ZFYVE1: variants seen among roughly 807,000 people sequenced by gnomAD.
ZFYVE1 encodes zinc finger FYVE domain-containing protein 1.
Under a neutral mutation model 74.4 loss-of-function variants are expected in ZFYVE1, and 30 were observed. The observed-to-expected ratio is 0.40, with a 90% confidence interval of 0.30 to 0.55. The LOEUF (loss-of-function observed/expected upper bound fraction) is 0.55. Ranked by LOEUF, ZFYVE1 falls within the 20% of genes least tolerant of loss-of-function variation. The pLI is 0.42. For synonymous variants in ZFYVE1, 335 were observed against 385.1 expected (o/e 0.87, Z 1.52); for missense variants, 703 against 1,011.6 (o/e 0.69, Z 4.14).
intron 2 of ZFYVE1, among the ~76,000 whole-genome samples, chr14:72,999,157 G>A (rs1286555500): frequency 4.6e-5 from 7 of 152,012 alleles, no homozygotes; most frequent in Middle Eastern, 3.4e-3. Context: ...GGCCGGGTGC[G>A]GTGGCTCACA....
At chr14:73,006,892 T>G (rs1207413493) in intron 2 of ZFYVE1, among the ~76,000 whole-genome samples, 1 of 151,806 alleles carries the variant, frequency 6.6e-6, no homozygotes, top group Non-Finnish European at 1.5e-5. Flanking sequence ...ATTTTTTGTA[T>G]TTTTAGTAGA....
chr14:73,025,367 C>T (rs1894436642), intron 1 of ZFYVE1, among the ~76,000 whole-genome samples: 1 of 151,778 alleles, frequency 6.6e-6, no homozygotes, highest in South Asian at 2.1e-4. Flanking sequence ...CCGCACCTGG[C>T]CAGAAATCTC....
rs538247969 is a variant in ZFYVE1 at position 73,024,005 on chromosome 14, C to T, written c.483+21G>A. The T allele has an allele frequency of 1.1e-4, 184 of 1,606,698 alleles. 1 individual carries two copies. In the East Asian group the frequency reaches 3.6e-3, roughly 32 times the overall value. ...AGATCTGCTCCACTACACATGAATC[C>T]CACTATACCCGTGTGCTTACCTGAA... On this transcript the variant is annotated intron_variant, in intron 2 of 11. Coordinates refer to ENST00000556143, the MANE Select transcript of ZFYVE1 (RefSeq NM_021260.4).
chr14:72,994,481 G>A (rs770345694), intron 3 of ZFYVE1, among the ~76,000 whole-genome samples: 5 of 152,094 alleles, frequency 3.3e-5, no homozygotes, highest in Non-Finnish European at 7.3e-5. Flanking sequence ...GGTGTCCTAT[G>A]GTCTAGCATT....
chr14:73,019,311 T>C (rs924277236), intron 2 of ZFYVE1, among the ~76,000 whole-genome samples: 1 of 152,032 alleles, frequency 6.6e-6, no homozygotes, highest in Non-Finnish European at 1.5e-5. Context: ...CCGGGCACAG[T>C]GGTGCATACC....
At chr14:73,002,750 T>TG (rs1440839192) in intron 2 of ZFYVE1, among the ~76,000 whole-genome samples, 5 of 145,420 alleles carry the variant, frequency 3.4e-5, no homozygotes, top group Non-Finnish European at 7.6e-5. Context: ...TCTTTTTTTT[T>TG]TTTTTTTCTG....
intron 10 of ZFYVE1, 23 bp from the exon 11 acceptor site, chr14:72,974,216 T>C (rs766104037): frequency 1.2e-6 from 2 of 1,606,458 alleles, no homozygotes; most frequent in African/African-American, 2.7e-5. Context: ...ATAAAGGAAA[T>C]GCTGTCACCT....
At chr14:73,005,307 C>T (rs1893955739) in intron 2 of ZFYVE1, among the ~76,000 whole-genome samples, 1 of 152,116 alleles carries the variant, frequency 6.6e-6, no homozygotes, top group South Asian at 2.1e-4. Flanking sequence ...AGGAACGAAG[C>T]TCCAGCTCTA....
intron 2 of ZFYVE1, among the ~76,000 whole-genome samples, chr14:73,000,331 G>C (rs1022939607): frequency 6.6e-6 from 1 of 152,188 alleles, no homozygotes; most frequent in African/African-American, 2.4e-5. Flanking sequence ...GCTGGGAGCA[G>C]TGGCTCAGGC....
chr14:73,002,592 G>A (rs1453565198), intron 2 of ZFYVE1, among the ~76,000 whole-genome samples: 1 of 151,822 alleles, frequency 6.6e-6, no homozygotes, highest in Non-Finnish European at 1.5e-5. Flanking sequence ...ACAGGCATGC[G>A]CTGTCATGCC....
intron 2 of ZFYVE1, among the ~76,000 whole-genome samples, chr14:73,018,242 C>T (rs1257624310): frequency 6.6e-6 from 1 of 151,682 alleles, no homozygotes; most frequent in Non-Finnish European, 1.5e-5. Flanking sequence ...ACTAGCCTGG[C>T]CAACATAGTA....
At chr14:73,011,171 C>CA (rs34380657) in intron 2 of ZFYVE1, among the ~76,000 whole-genome samples, 40,452 of 141,758 alleles carry the variant, frequency 0.29, 6,222 homozygotes, top group Middle Eastern at 0.42. Flanking sequence ...CTCACTGTCT[C>CA]AAAAAAAAAA....
chr14:73,006,533 C>G (rs1567359471), intron 2 of ZFYVE1, among the ~76,000 whole-genome samples: 2 of 151,458 alleles, frequency 1.3e-5, no homozygotes, highest in Non-Finnish European at 1.5e-5. Flanking sequence ...CGAGATTGCA[C>G]CACTGCTCTC....
chr14:73,023,684 T>C (rs771960932), intron 2 of ZFYVE1, among the ~76,000 whole-genome samples: 1 of 151,898 alleles, frequency 6.6e-6, no homozygotes, highest in Non-Finnish European at 1.5e-5. Context: ...TTTGTTCTAA[T>C]AATAATGCTA....
chr14:73,025,204 G>T (rs1424724951), intron 1 of ZFYVE1, among the ~76,000 whole-genome samples: 2 of 151,680 alleles, frequency 1.3e-5, no homozygotes, highest in Non-Finnish European at 2.9e-5. Flanking sequence ...AAGGAGCTGG[G>T]ATTACACGCG....
Position 72,991,182 on chromosome 14 carries a change from TA to T in ZFYVE1, c.1203+1960del, listed in dbSNP as rs375488199. ...TTACAGTGCTCAGTGTCCCTGATGG[TA>T]TTTTTTTTTTTTTTTTTTTTTTTTG... is the stretch of plus-strand genomic sequence containing the variant. On this transcript the variant is annotated intron_variant, in intron 4 of 11. Coordinates refer to ENST00000556143, the MANE Select transcript of ZFYVE1 (RefSeq NM_021260.4). 2.7e-4 allele frequency among the ~76,000 whole-genome samples: 34 copies of T among 128,206 alleles called. 1 individual carries two copies. The East Asian group carries it at 4.9e-3, about 19-fold the overall frequency. 84.1% of individuals were successfully genotyped at this position (128,206 alleles called of 152,430 possible). A position where few individuals can be genotyped will look rare whatever the true frequency, so the allele number is the denominator to read the frequency against.
At chr14:72,988,289 T>C (rs1379160680) in intron 4 of ZFYVE1, among the ~76,000 whole-genome samples, 2 of 151,552 alleles carry the variant, frequency 1.3e-5, no homozygotes, top group Non-Finnish European at 1.5e-5. Context: ...ATTCTCCTGA[T>C]TCAGCCTCCC....
intron 8 of ZFYVE1, among the ~76,000 whole-genome samples, chr14:72,977,680 A>C (rs1232367365): frequency 6.6e-6 from 1 of 152,238 alleles, no homozygotes; most frequent in Non-Finnish European, 1.5e-5. Context: ...TTTATTTGCC[A>C]AAGGAGTAAA....
chr14:73,008,406 T>C (rs937576925), intron 2 of ZFYVE1, among the ~76,000 whole-genome samples: 5 of 152,126 alleles, frequency 3.3e-5, no homozygotes, highest in African/African-American at 1.2e-4. Flanking sequence ...GATCCGTCCG[T>C]CTCAGCCTCC....
Sources: allele counts gnomAD v4.1 joint callset (sites outside exome capture counted in the v4.1 genomes callset), GRCh38; gene constraint gnomAD v4.1.1; transcripts MANE v1.5; gene names NCBI Gene and HGNC (gene_info 2026-07-23, HGNC 2026-07-21).